The following CSMD3 variants were observed in gnomAD, a reference collection of about 807,000 sequenced individuals.
CSMD3 encodes the protein CUB and Sushi multiple domains 3.
A neutral mutation model predicts 435.2 loss-of-function variants in CSMD3; 177 were observed. That is an observed-to-expected ratio of 0.41 (90% CI 0.36 to 0.46). The LOEUF is 0.46. CSMD3 is among the 20% of genes least tolerant of loss of function. CSMD3 has a pLI of 0.34. For synonymous variants in CSMD3, 1,656 were observed against 1,520.5 expected (o/e 1.09, Z -2.07); for missense variants, 4,265 against 4,504.6 (o/e 0.95, Z 1.52).
chr8:112,417,335 A>C (rs1227318278), intron 32 of CSMD3, among the ~76,000 whole-genome samples: 1 of 152,186 alleles, frequency 6.6e-6, no homozygotes, highest in Non-Finnish European at 1.5e-5. Flanking sequence ...TAAAATAGGG[A>C]TAATAAAAGT....
At position 113,387,839 on chromosome 8, in the gene CSMD3, C is replaced by T. The variant is rs542280140; in HGVS notation, c.178+48838G>A. The stretch of plus-strand genomic sequence containing the variant: ...TGTAGTTCTTACTAAGTGTGGAAAA[C>T]TAATCTAAATGTATTACTGTCATTT... On this transcript the variant is annotated intron_variant, in intron 1 of 70. Coordinates refer to ENST00000297405, the MANE Select transcript of CSMD3 (RefSeq NM_198123.2). 3.4e-4 allele frequency among the ~76,000 whole-genome samples: 51 copies of T among 151,780 alleles called. No homozygotes were observed. The East Asian group carries it at 8.1e-3, about 24-fold the overall frequency.
chr8:113,087,339 C>A (rs1308601127), intron 5 of CSMD3, among the ~76,000 whole-genome samples: 16 of 151,652 alleles, frequency 1.1e-4, no homozygotes, highest in Non-Finnish European at 2.9e-5. Flanking sequence ...ACTTTCTTCA[C>A]AGAATTGGAA....
At chr8:113,209,534 T>A (rs1180088000) in intron 3 of CSMD3, among the ~76,000 whole-genome samples, 1 of 152,150 alleles carries the variant, frequency 6.6e-6, no homozygotes, top group East Asian at 1.9e-4. Flanking sequence ...ATTAAAAGTA[T>A]GAATTGGTCT....
chr8:112,904,232 T>G (rs2082190987), intron 10 of CSMD3, among the ~76,000 whole-genome samples: 1 of 151,422 alleles, frequency 6.6e-6, no homozygotes, highest in African/African-American at 2.4e-5. Flanking sequence ...GTGACTATGG[T>G]TAATGATGAT....
At position 112,573,570 on chromosome 8, in the gene CSMD3, T is replaced by C. The variant is rs199719748; in HGVS notation, c.3973A>G (p.Asn1325Asp). The change falls in exon 24 of 71, where the codon AAT becomes GAT. Residue 1325 changes from asparagine (N) to aspartate (D), a missense_variant. Physicochemically the swap from Asn to Asp is conservative, Grantham distance 23 (BLOSUM62 1). Around this residue, in one of 3 missense-constraint regions of CSMD3, gnomAD observed 3,255 missense variants for 3,380.2 expected, o/e 0.96. Transcript: ENST00000297405. The stretch of plus-strand genomic sequence containing the variant: ...GAATTAAATTCTAGCCAGAGTTGAT[T>C]TGAAGTACTACTAAGTGTCAGTCCG... ...MRGLTLSSTSNQLWLEFNSDT... is the reference protein window; with the variant it reads ...MRGLTLSSTSDQLWLEFNSDT... 7 of 1,613,396 alleles carry C rather than the reference T, an allele frequency of 4.3e-6. No individual in the cohort carries two copies. In the East Asian group the frequency reaches 1.1e-4, roughly 26 times the overall value.
At chr8:112,570,993 A>G (rs1290000016) in intron 24 of CSMD3, among the ~76,000 whole-genome samples, 1 of 151,942 alleles carries the variant, frequency 6.6e-6, no homozygotes, top group East Asian at 1.9e-4. Context: ...ATGGACAATT[A>G]TTAATTTTTA....
In CSMD3 at chr8:112,295,849, C is replaced by T. The variant is rs1217069033; in HGVS notation, c.8598G>A (p.Gln2866=). ...ICQQDHNWSG[Q]LPSCVPVSCG... ...CTTACTTACGCACACAGGATGGGAG[C>T]TGACCAGACCAATTGTGATCCTGTT... The change falls in exon 54 of 71, where the codon CAG becomes CAA. Residue 2866 remains glutamine (Q), a synonymous_variant. Coordinates refer to ENST00000297405, the MANE Select transcript of CSMD3 (RefSeq NM_198123.2). 1 of 1,613,868 alleles carries T rather than the reference C, an allele frequency of 6.2e-7. No homozygotes were observed. Among genetic ancestry groups the T allele is most frequent in the South Asian group, 1.1e-5 (1 of 91,070 alleles).
chr8:112,345,104 A>G (rs577817200), intron 41 of CSMD3, among the ~76,000 whole-genome samples: 2 of 152,138 alleles, frequency 1.3e-5, no homozygotes, highest in East Asian at 3.9e-4. Flanking sequence ...ACATCTCTAT[A>G]TATAATTATA....
chr8:112,666,174 T>A, intron 17 of CSMD3, 103 bp downstream of exon 17: 1 of 914,522 alleles, frequency 1.1e-6, no homozygotes, highest in Non-Finnish European at 1.8e-6. Flanking sequence ...AGCAATTGAC[T>A]ATTACAATAA....
intron 3 of CSMD3, among the ~76,000 whole-genome samples, chr8:113,209,960 T>C (rs1411707540): frequency 6.6e-6 from 1 of 151,432 alleles, no homozygotes; most frequent in East Asian, 1.9e-4. Flanking sequence ...TTTAAAACAA[T>C]TGACTCTGTT....
At chr8:112,672,463 G>C (rs565487060) in intron 16 of CSMD3, among the ~76,000 whole-genome samples, 1 of 152,156 alleles carries the variant, frequency 6.6e-6, no homozygotes, top group African/African-American at 2.4e-5. Context: ...ACTTCTAATA[G>C]TTGTAAGATG....
chr8:113,322,549 CTT>C (rs1038786816), intron 1 of CSMD3, among the ~76,000 whole-genome samples: 2 of 152,114 alleles, frequency 1.3e-5, no homozygotes, highest in African/African-American at 4.8e-5. Context: ...AAGCATCATT[CTT>C]TTTCTTCAAA....
chr8:112,994,744 C>G (rs573820171), intron 6 of CSMD3, among the ~76,000 whole-genome samples: 1 of 151,612 alleles, frequency 6.6e-6, no homozygotes, highest in South Asian at 2.1e-4. Context: ...CGTTATAGTA[C>G]AGACCAGTGT....
chr8:112,534,562 C>G (rs915018824), intron 27 of CSMD3, among the ~76,000 whole-genome samples: 1 of 152,032 alleles, frequency 6.6e-6, no homozygotes. Flanking sequence ...AAAAAGAGTC[C>G]AGGACCAGAT....
At chr8:112,646,323 A>G (rs527389187) in intron 19 of CSMD3, among the ~76,000 whole-genome samples, 1 of 152,278 alleles carries the variant, frequency 6.6e-6, no homozygotes, top group African/African-American at 2.4e-5. Flanking sequence ...AACTTTCAGA[A>G]AGGACACCAG....
chr8:112,749,217 G>A (rs2077511154), intron 13 of CSMD3, among the ~76,000 whole-genome samples: 1 of 151,990 alleles, frequency 6.6e-6, no homozygotes, highest in African/African-American at 2.4e-5. Context: ...ATTTGTTTAA[G>A]TTGCTTATAG....
At chr8:112,903,577 T>G (rs2082168324) in intron 10 of CSMD3, among the ~76,000 whole-genome samples, 1 of 150,996 alleles carries the variant, frequency 6.6e-6, no homozygotes, top group African/African-American at 2.4e-5. Context: ...AATTTTTGTT[T>G]TTTCAGAATT....
intron 22 of CSMD3, among the ~76,000 whole-genome samples, chr8:112,594,728 C>T (rs1409432509): frequency 6.6e-6 from 1 of 152,192 alleles, no homozygotes; most frequent in Non-Finnish European, 1.5e-5. Flanking sequence ...AGCAGCCTAA[C>T]TGGGAGGCAC....
chr8:112,688,093 C>A (rs1376580002), intron 14 of CSMD3, among the ~76,000 whole-genome samples: 1 of 152,122 alleles, frequency 6.6e-6, no homozygotes, highest in Non-Finnish European at 1.5e-5. Context: ...GGCAGCCATG[C>A]ACAATCAGTA....
Sources: gnomAD v4.1 joint callset for allele counts (sites outside exome capture counted in the v4.1 genomes callset) on GRCh38, gnomAD v4.1.1 for gene constraint, gnomAD v4.1.1 regional missense constraint, MANE v1.5 for transcripts, NCBI Gene and HGNC (gene_info 2026-07-23, HGNC 2026-07-21) for gene names.